ZNF66: variants seen among roughly 807,000 people sequenced by gnomAD.
ZNF66 encodes the protein zinc finger protein 66.
ZNF66 carries 32 observed loss-of-function variants against 35.2 expected under a neutral mutation model. The ratio of observed to expected loss-of-function variants is 0.91; its 90% CI spans 0.69 to 1.22. The LOEUF (loss-of-function observed/expected upper bound fraction) is 1.22. Among genes scored for constraint, ZNF66 ranks in the 50% most tolerant of loss-of-function variants. ZNF66 has a pLI of 0.00. For synonymous variants in ZNF66, 231 were observed against 181.3 expected, an observed-to-expected ratio of 1.27 and a Z score of -2.20; for missense variants, 666 against 543.1, an observed-to-expected ratio of 1.23 and a Z score of -2.25.
intron 2 of ZNF66, among the ~76,000 whole-genome samples, chr19:20,793,097 A>G (rs1568496724): frequency 6.6e-6 from 1 of 151,586 alleles, no homozygotes. Context: ...AAAGAAAAAA[A>G]TTTCTTCAAG....
chr19:20,783,116 T>C (rs1971258970), intron 1 of ZNF66, among the ~76,000 whole-genome samples: 1 of 152,186 alleles, frequency 6.6e-6, no homozygotes, highest in Non-Finnish European at 1.5e-5. Context: ...GAATTCTTGC[T>C]GCATTCCTCT....
intron 3 of ZNF66, among the ~76,000 whole-genome samples, chr19:20,803,244 A>C (rs906536881): frequency 2.0e-5 from 3 of 151,372 alleles, no homozygotes; most frequent in Non-Finnish European, 4.4e-5. Flanking sequence ...AGTTTTCTGC[A>C]AAAGAAAAAC....
intron 3 of ZNF66, among the ~76,000 whole-genome samples, chr19:20,805,103 A>C (rs1234431756): frequency 7.5e-6 from 1 of 132,984 alleles, no homozygotes; most frequent in East Asian, 2.1e-4. Context: ...TTGGCAATTT[A>C]CATTTGTGTG....
At chr19:20,776,484 GA>G (rs1971195592) in intron 1 of ZNF66, 34 bp downstream of exon 1, 1 of 1,532,246 alleles carries the variant, frequency 6.5e-7, no homozygotes, top group Non-Finnish European at 9.0e-7. Context: ...CGAGAGAGGT[GA>G]AGTGTCTGTG....
At chr19:20,781,901 A>G (rs1428583927) in intron 1 of ZNF66, among the ~76,000 whole-genome samples, 40 of 151,902 alleles carry the variant, frequency 2.6e-4, no homozygotes, top group Admixed American at 2.6e-3. Flanking sequence ...GTATTCCATG[A>G]TGTTTACGTA....
At chr19:20,795,277 C>G (rs1322887083) in intron 3 of ZNF66, among the ~76,000 whole-genome samples, 1 of 151,992 alleles carries the variant, frequency 6.6e-6, no homozygotes, top group South Asian at 2.1e-4. Context: ...GTATTGGTGT[C>G]TGAATTTGAT....
intron 1 of ZNF66, among the ~76,000 whole-genome samples, chr19:20,779,569 C>T (rs1199360612): frequency 6.6e-6 from 1 of 151,948 alleles, no homozygotes; most frequent in East Asian, 1.9e-4. Flanking sequence ...TGGCTCATGC[C>T]TGTGATCTCA....
At position 20,806,276 on chromosome 19, in the gene ZNF66, G is replaced by A; in HGVS notation, c.676G>A (p.Glu226Lys). The change falls in exon 4 of 4, where the codon GAG (glutamate) becomes AAG (lysine). Residue 226 changes from glutamate to lysine, a missense_variant. Physicochemically the swap from Glu to Lys is moderately conservative, Grantham distance 56. Transcript: ENST00000344519. ...LTTHKIIHTG[E>K]KRYKCEDCGK... The stretch of plus-strand genomic sequence containing the variant: ...TACACATAAGATAATTCATACTGGA[G>A]AGAAACGGTACAAATGTGAAGACTG... The A allele has an allele frequency of 2.7e-6, 4 of 1,474,850 alleles. No homozygotes were observed. The highest frequency in any genetic ancestry group is 2.8e-6 in the Non-Finnish European group (3 of 1,054,084). 91.4% of individuals were successfully genotyped at this position (1,474,850 alleles called of 1,614,324 possible). A position where few individuals can be genotyped will look rare whatever the true frequency, so the allele number is the denominator to read the frequency against.
intron 3 of ZNF66, chr19:20,794,176 G>A (rs1330947146): frequency 2.5e-6 from 1 of 400,758 alleles, no homozygotes; most frequent in Non-Finnish European, 4.6e-6. Flanking sequence ...GCACAATCCA[G>A]CTGCTTTTTC....
rs150438174 is a variant in ZNF66 at position 20,776,327 on chromosome 19, C to T, written c.-121C>T. On this transcript the variant is annotated 5_prime_UTR_variant, in exon 1 of 4. Coordinates refer to ENST00000344519, the MANE Select transcript of ZNF66 (RefSeq NM_001355197.2). ...TTGTCTCTCCCTGCAGCTGGAGCTC[C>T]AGGTCGTCTGTTCACTGCTCTCTGT... 4 of 1,435,112 alleles carry T rather than the reference C, an allele frequency of 2.8e-6. No individual in the cohort carries two copies. Among genetic ancestry groups the T allele is most frequent in the African/African-American group, 2.8e-5 (2 of 71,222 alleles). 88.9% of individuals were successfully genotyped at this position (1,435,112 alleles called of 1,614,324 possible). A position where few individuals can be genotyped will look rare whatever the true frequency, so the allele number is the denominator to read the frequency against.
rs146618206 is a variant in ZNF66 at position 20,782,924 on chromosome 19, C to G, written c.3+6474C>G. 7.2e-5 allele frequency among the ~76,000 whole-genome samples: 11 copies of G among 152,154 alleles called. No homozygotes were observed. The East Asian group carries it at 2.1e-3, about 29-fold the overall frequency. ...GGTAGCTTCATCATGAAGTCTTTGC[C>G]AGTTTCTGTGTCTAGAATGGTGTTT... On this transcript the variant is annotated intron_variant, in intron 1 of 3. Transcript: ENST00000344519.
chr19:20,803,602 C>T (rs1599555098), intron 3 of ZNF66, among the ~76,000 whole-genome samples: 1 of 151,872 alleles, frequency 6.6e-6, no homozygotes, highest in East Asian at 1.9e-4. Context: ...TTTTAGAGAA[C>T]AATTAAAAAT....
In ZNF66 at chr19:20,808,321, G is replaced by A. The variant is rs560930523; in HGVS notation, c.*999G>A. 6.6e-6 allele frequency among the ~76,000 whole-genome samples: 1 copy of A among 152,216 alleles called. No homozygotes were observed. Among genetic ancestry groups the A allele is most frequent in the East Asian group, 1.9e-4 (1 of 5,192 alleles). ...AGCAGTAACCTCTGCAGACTTAAAC[G>A]TCCCTGTCTGACAGCTTTGAAGAGA... On this transcript the variant is annotated 3_prime_UTR_variant, in exon 4 of 4. Coordinates refer to ENST00000344519, the MANE Select transcript of ZNF66 (RefSeq NM_001355197.2).
chr19:20,801,286 CA>C (rs1971445178), intron 3 of ZNF66, among the ~76,000 whole-genome samples: 1 of 150,522 alleles, frequency 6.6e-6, no homozygotes, highest in Non-Finnish European at 1.5e-5. Flanking sequence ...ACCACTCAGG[CA>C]TTCTATATCT....
chr19:20,792,678 ATTGT>A (rs766054739), intron 2 of ZNF66, 40 bp downstream of exon 2: 2 of 1,087,230 alleles, frequency 1.8e-6, no homozygotes, highest in South Asian at 3.0e-5. Flanking sequence ...ATATACACAA[ATTGT>A]TTTATTTCTC....
intron 1 of ZNF66, among the ~76,000 whole-genome samples, chr19:20,781,228 T>A (rs1971242617): frequency 6.6e-6 from 1 of 152,220 alleles, no homozygotes; most frequent in Non-Finnish European, 1.5e-5. Flanking sequence ...AGGGATTTAA[T>A]TTTTTATTTT....
intron 1 of ZNF66, among the ~76,000 whole-genome samples, chr19:20,780,133 CT>C (rs1971233000): frequency 6.6e-6 from 1 of 151,918 alleles, no homozygotes; most frequent in African/African-American, 2.4e-5. Context: ...ACAAATTCAG[CT>C]GTTTTTTTAA....
In ZNF66 at chr19:20,808,241, G is replaced by T. The variant is rs1971545691; in HGVS notation, c.*919G>T. On this transcript the variant is annotated 3_prime_UTR_variant, in exon 4 of 4. Coordinates refer to ENST00000344519, the MANE Select transcript of ZNF66 (RefSeq NM_001355197.2). Reference sequence around the variant, plus strand: ...GGTGGAGCCCACCACAGCTCAAGGAGGCCTGCCTGCCTCTGTAGGCTCCAC... The same window carrying T: ...GGTGGAGCCCACCACAGCTCAAGGATGCCTGCCTGCCTCTGTAGGCTCCAC... 6.6e-6 allele frequency among the ~76,000 whole-genome samples: 1 copy of T among 152,232 alleles called. No homozygotes were observed.
In ZNF66 at chr19:20,790,449, G is replaced by C. The variant is rs142097413; in HGVS notation, c.4-2063G>C. ...GGGTTTGGTAGGGACAGGTCAGTGTGGTGCATATTTCCATTACTGTGGCAG... is the reference window on the plus strand; with the variant it reads ...GGGTTTGGTAGGGACAGGTCAGTGTCGTGCATATTTCCATTACTGTGGCAG... On this transcript the variant is annotated intron_variant, in intron 1 of 3. Transcript: ENST00000344519. Among the ~76,000 whole-genome samples, 288 of 152,186 alleles carry C rather than the reference G, an allele frequency of 1.9e-3. 4 individuals carry two copies. Among genetic ancestry groups the C allele is most frequent in the African/African-American group, 6.5e-3 (270 of 41,524 alleles).
Sources: gnomAD v4.1 joint callset for allele counts (sites outside exome capture counted in the v4.1 genomes callset) on GRCh38, gnomAD v4.1.1 for gene constraint, MANE v1.5 for transcripts, NCBI Gene and HGNC (gene_info 2026-07-23, HGNC 2026-07-21) for gene names.